The following ZFAT variants were observed in gnomAD, a reference collection of about 807,000 sequenced individuals.
ZFAT encodes zinc finger protein ZFAT.
A neutral mutation model predicts 117.7 loss-of-function variants in ZFAT; 64 were observed. The ratio of observed to expected loss-of-function variants is 0.54; its 90% confidence interval spans 0.44 to 0.67. ZFAT has a LOEUF of 0.67. Ranked by LOEUF, ZFAT falls within the 30% of genes least tolerant of loss-of-function variation. The pLI is 0.00. For synonymous variants in ZFAT, 679 were observed against 615.0 expected (o/e 1.10, Z -1.54); for missense variants, 1,433 against 1,584.5 (o/e 0.90, Z 1.62).
intron 1 of ZFAT, among the ~76,000 whole-genome samples, chr8:134,658,381 T>G (rs1210656615): frequency 6.9e-6 from 1 of 144,478 alleles, no homozygotes; most frequent in Non-Finnish European, 1.5e-5. Flanking sequence ...ATCCTACCCC[T>G]CAAATGACTG....
chr8:134,637,738 T>C, intron 2 of ZFAT, 26 bp from the exon 3 acceptor site: 4 of 1,604,354 alleles, frequency 2.5e-6, no homozygotes, highest in Non-Finnish European at 3.4e-6. Flanking sequence ...GAGGGCACAA[T>C]GGAATCACGT....
At chr8:134,521,440 C>T (rs549422745) in intron 12 of ZFAT, among the ~76,000 whole-genome samples, 3 of 152,298 alleles carry the variant, frequency 2.0e-5, no homozygotes, top group African/African-American at 7.2e-5. Context: ...GACCAGGAGC[C>T]TGATTCTCAG....
the ZFAT span, among the ~76,000 whole-genome samples, chr8:134,751,511 TA>T: frequency 6.6e-6 from 1 of 152,118 alleles, no homozygotes; most frequent in Admixed American, 6.5e-5. Flanking sequence ...GGAACCACAG[TA>T]AAATGTGAGC....
intron 11 of ZFAT, among the ~76,000 whole-genome samples, chr8:134,537,578 A>C (rs1362991608): frequency 2.0e-5 from 3 of 152,214 alleles, no homozygotes; most frequent in Non-Finnish European, 2.9e-5. Context: ...TGGGTCAGGA[A>C]AGTAATGACA....
chr8:134,808,160 T>A, the ZFAT span, among the ~76,000 whole-genome samples: 1 of 152,202 alleles, frequency 6.6e-6, no homozygotes, highest in African/African-American at 2.4e-5. Context: ...AATTGTGGTT[T>A]CCCTGACATG....
chr8:134,626,718 C>A (rs950915041), intron 3 of ZFAT, among the ~76,000 whole-genome samples: 1 of 152,156 alleles, frequency 6.6e-6, no homozygotes, highest in Non-Finnish European at 1.5e-5. Flanking sequence ...CTCATCCAGG[C>A]CCACCTCTGG....
At chr8:134,613,877 T>C (rs756921030) in intron 3 of ZFAT, among the ~76,000 whole-genome samples, 1 of 152,214 alleles carries the variant, frequency 6.6e-6, no homozygotes, top group Non-Finnish European at 1.5e-5. Flanking sequence ...GATAATGCCT[T>C]GGGCATCACA....
At chr8:134,563,534 T>C (rs1824203815) in intron 11 of ZFAT, among the ~76,000 whole-genome samples, 2 of 152,148 alleles carry the variant, frequency 1.3e-5, no homozygotes, top group African/African-American at 2.4e-5. Flanking sequence ...AACTTGCCAG[T>C]GGGGAAGGTC....
chr8:134,711,202 C>G (rs887505524), intron 1 of ZFAT, among the ~76,000 whole-genome samples: 1 of 152,202 alleles, frequency 6.6e-6, no homozygotes, highest in Non-Finnish European at 1.5e-5. Context: ...CTCCTGGACT[C>G]AAGGGACCCT....
At chr8:134,661,963 A>G (rs1383321748) in intron 1 of ZFAT, among the ~76,000 whole-genome samples, 1 of 152,226 alleles carries the variant, frequency 6.6e-6, no homozygotes, top group Non-Finnish European at 1.5e-5. Context: ...TCAAGAAGCC[A>G]AATCCTTCCA....
chr8:134,487,911 C>T (rs376411212), intron 15 of ZFAT, among the ~76,000 whole-genome samples: 3 of 152,218 alleles, frequency 2.0e-5, no homozygotes, highest in Admixed American at 6.5e-5. Flanking sequence ...TGCTGCTTCT[C>T]GAATGAATCA....
At chr8:134,706,164 T>C (rs760131093) in intron 1 of ZFAT, among the ~76,000 whole-genome samples, 1 of 152,198 alleles carries the variant, frequency 6.6e-6, no homozygotes, top group Non-Finnish European at 1.5e-5. Flanking sequence ...CCTATGTACT[T>C]ATTAACCCAG....
chr8:134,740,054 T>A, the ZFAT span, among the ~76,000 whole-genome samples: 1 of 152,226 alleles, frequency 6.6e-6, no homozygotes, highest in East Asian at 1.9e-4. Flanking sequence ...GTCTACCAGA[T>A]GACTTGCTCA....
chr8:134,824,368 T>C, the ZFAT span, among the ~76,000 whole-genome samples: 1 of 152,136 alleles, frequency 6.6e-6, no homozygotes, highest in African/African-American at 2.4e-5. Context: ...AATAAAAAAA[T>C]AGCAAGGATT....
chr8:134,710,964 C>T (rs903511127), intron 1 of ZFAT, among the ~76,000 whole-genome samples: 10 of 152,174 alleles, frequency 6.6e-5, no homozygotes, highest in Admixed American at 1.3e-4. Context: ...CAGTGAAAAA[C>T]AAGGTGTTCA....
chr8:134,642,867 G>A (rs1364644620), intron 2 of ZFAT, among the ~76,000 whole-genome samples: 5 of 152,180 alleles, frequency 3.3e-5, no homozygotes, highest in Non-Finnish European at 7.3e-5. Context: ...CAATAGGGGA[G>A]ACAATGAATT....
intron 11 of ZFAT, among the ~76,000 whole-genome samples, chr8:134,548,227 A>C (rs1373870189): frequency 1.3e-5 from 2 of 152,374 alleles, no homozygotes; most frequent in Admixed American, 1.3e-4. Context: ...AAAGAGCCTC[A>C]AGAATTTACA....
chr8:134,713,911 A>G (rs1337522050), upstream of ZFAT, among the ~76,000 whole-genome samples: 1 of 151,782 alleles, frequency 6.6e-6, no homozygotes, highest in Non-Finnish European at 1.5e-5. Flanking sequence ...TCACCCCGTT[A>G]GCCTCAGAAA....
intron 1 of ZFAT, among the ~76,000 whole-genome samples, chr8:134,694,970 T>C (rs1205721227): frequency 6.6e-6 from 1 of 152,090 alleles, no homozygotes; most frequent in Non-Finnish European, 1.5e-5. Context: ...CATCTCCACA[T>C]TGGAAAAAAA....
Sources: allele counts gnomAD v4.1 joint callset (sites outside exome capture counted in the v4.1 genomes callset), GRCh38; gene constraint gnomAD v4.1.1; transcripts MANE v1.5; gene names NCBI Gene and HGNC (gene_info 2026-07-23, HGNC 2026-07-21).